Variants in FGF13 observed in about 807,000 individuals in gnomAD.
FGF13 encodes fibroblast growth factor homologous factor 2.
Under a neutral mutation model 19.5 loss-of-function variants are expected in FGF13, and 2 were observed. That is an observed-to-expected ratio of 0.10 (90% CI 0.04 to 0.32). The LOEUF is 0.32. Ranked by LOEUF, FGF13 falls within the 10% of genes least tolerant of loss-of-function variation. FGF13 has a pLI of 1.00. For missense variants in FGF13, 113 were observed against 192.7 expected, an observed-to-expected ratio of 0.59 and a Z score of 2.45; for synonymous variants, 72 against 76.9, an observed-to-expected ratio of 0.94 and a Z score of 0.33.
intron 3 of FGF13, among the ~76,000 whole-genome samples, chrX:138,850,804 G>C (rs780295494): frequency 7.1e-5 from 8 of 112,103 alleles, no homozygotes; most frequent in Non-Finnish European, 1.5e-4. Context: ...TGTGTGCCAT[G>C]GTGGTTTGCT....
chrX:138,999,740 C>T (rs1235788734), intron 1 of FGF13, among the ~76,000 whole-genome samples: 3 of 111,730 alleles, frequency 2.7e-5, no homozygotes, highest in East Asian at 2.8e-4. Context: ...CATTCACAAC[C>T]GAATTCCACC....
intron 1 of FGF13, among the ~76,000 whole-genome samples, chrX:139,197,670 C>T (rs2084383348): frequency 9.0e-6 from 1 of 111,150 alleles, no homozygotes; most frequent in Admixed American, 9.5e-5. Context: ...AGAGTGCATA[C>T]AGGAAAAACT....
chrX:138,906,010 T>C (rs2091556477), intron 1 of FGF13, among the ~76,000 whole-genome samples: 2 of 111,200 alleles, frequency 1.8e-5, no homozygotes, highest in South Asian at 3.8e-4. Context: ...ATCCATCTCA[T>C]ATGGTCATTT....
At chrX:138,976,168 C>T (rs770549018) in intron 1 of FGF13, among the ~76,000 whole-genome samples, 1 of 111,802 alleles carries the variant, frequency 8.9e-6, no homozygotes, top group Admixed American at 9.5e-5. Flanking sequence ...GCTCACATTC[C>T]TCTGACCTTT....
chrX:138,927,545 C>T (rs1001553779), intron 1 of FGF13, among the ~76,000 whole-genome samples: 2 of 112,354 alleles, frequency 1.8e-5, no homozygotes, highest in African/African-American at 6.5e-5. Context: ...CTACTGCATC[C>T]TCCTACACAA....
chrX:139,112,761 C>T (rs1245302327), intron 1 of FGF13, among the ~76,000 whole-genome samples: 1 of 112,013 alleles, frequency 8.9e-6, no homozygotes, highest in Non-Finnish European at 1.9e-5. Flanking sequence ...ATACACAGTA[C>T]CGGCTAATGT....
chrX:138,988,362 A>G (rs747202348), intron 1 of FGF13, among the ~76,000 whole-genome samples: 1 of 112,515 alleles, frequency 8.9e-6, no homozygotes, highest in Non-Finnish European at 1.9e-5. Context: ...CATGTGTTTC[A>G]TAAATATTTG....
chrX:138,668,166 G>C (rs918294371), intron 3 of FGF13, among the ~76,000 whole-genome samples: 10 of 111,423 alleles, frequency 9.0e-5, no homozygotes, highest in African/African-American at 3.3e-4. Context: ...TGCTGTGCAT[G>C]TATTATCATT....
chrX:139,081,280 C>G (rs1425861526), intron 1 of FGF13, among the ~76,000 whole-genome samples: 1 of 111,563 alleles, frequency 9.0e-6, no homozygotes, highest in African/African-American at 3.3e-5. Context: ...TACTCCTTCA[C>G]CCCTGAAATA....
chrX:138,815,412 T>C (rs897933045), intron 3 of FGF13, among the ~76,000 whole-genome samples: 5 of 111,020 alleles, frequency 4.5e-5, no homozygotes, highest in African/African-American at 1.6e-4. Flanking sequence ...TGTATACATA[T>C]ATCAAAATGT....
chrX:138,912,960 A>C (rs1164966229), intron 1 of FGF13, among the ~76,000 whole-genome samples: 1 of 110,879 alleles, frequency 9.0e-6, no homozygotes, highest in Non-Finnish European at 1.9e-5. Context: ...ACATTTCCTC[A>C]AAGCCAGGTT....
At chrX:138,916,522 T>C (rs1351711891) in intron 1 of FGF13, among the ~76,000 whole-genome samples, 1 of 112,217 alleles carries the variant, frequency 8.9e-6, no homozygotes, top group Non-Finnish European at 1.9e-5. Flanking sequence ...AGACATCATA[T>C]TGATTATAAA....
rs1278787709 is a variant in FGF13, at chrX:138,632,197, A to T, written c.*653T>A. ...ATCTAAAAAAAAAAAAAAAGAAAGA[A>T]AAACAATTGGTCAAACCACAAGAAC... is the stretch of plus-strand genomic sequence containing the variant. On this transcript the variant is annotated 3_prime_UTR_variant, in exon 5 of 5. Coordinates refer to ENST00000315930, the MANE Select transcript of FGF13 (RefSeq NM_004114.5). The T allele has an allele frequency of 9.0e-6, 1 of 111,560 alleles. No individual in the cohort carries two copies. The highest frequency in any genetic ancestry group is 1.9e-5 in the Non-Finnish European group (1 of 53,010). The allele number at this position is 111,560 out of a possible 1,213,427, so 9.2% of individuals were successfully genotyped here. A position where few individuals can be genotyped will look rare whatever the true frequency, so the allele number is the denominator to read the frequency against.
intron 3 of FGF13, among the ~76,000 whole-genome samples, chrX:138,800,298 G>A (rs1458490713): frequency 8.9e-6 from 1 of 111,868 alleles, no homozygotes; most frequent in Non-Finnish European, 1.9e-5. Context: ...GCATTTGCTT[G>A]TCTGTAAAGG....
At chrX:138,941,625 C>G (rs2091758579) in intron 1 of FGF13, among the ~76,000 whole-genome samples, 1 of 112,102 alleles carries the variant, frequency 8.9e-6, no homozygotes, top group Admixed American at 9.5e-5. Flanking sequence ...CCACACTGTT[C>G]TAAGCAATTT....
intron 1 of FGF13, among the ~76,000 whole-genome samples, chrX:139,136,898 A>G (rs1333090251): frequency 1.8e-5 from 2 of 111,970 alleles, no homozygotes; most frequent in Admixed American, 1.9e-4. Context: ...CACTTTATCA[A>G]TTAAAGAATG....
At chrX:138,784,773 T>G (rs985831633) in intron 3 of FGF13, among the ~76,000 whole-genome samples, 1 of 111,628 alleles carries the variant, frequency 9.0e-6, no homozygotes, top group Non-Finnish European at 1.9e-5. Flanking sequence ...TATTTGATAA[T>G]CCATTATATT....
At chrX:138,964,240 C>T (rs1006941621) in intron 1 of FGF13, among the ~76,000 whole-genome samples, 3 of 111,154 alleles carry the variant, frequency 2.7e-5, no homozygotes, top group African/African-American at 6.6e-5. Context: ...AGAGGGAAAG[C>T]CAATGCAAAT....
intron 1 of FGF13, among the ~76,000 whole-genome samples, chrX:138,983,723 G>T (rs191219974): frequency 1.8e-3 from 194 of 110,695 alleles, no homozygotes; most frequent in Non-Finnish European, 2.5e-3. Context: ...AAGATATTTG[G>T]ATTCACATGT....
Sources: allele counts gnomAD v4.1 joint callset (sites outside exome capture counted in the v4.1 genomes callset), GRCh38; gene constraint gnomAD v4.1.1; transcripts MANE v1.5; gene names NCBI Gene and HGNC (gene_info 2026-07-23, HGNC 2026-07-21).